The following C1QTNF3 variants were observed in gnomAD, a reference collection of about 807,000 sequenced individuals.
C1QTNF3 encodes C1q and TNF related 3, also known as complement C1q tumor necrosis factor-related protein 3.
Under a neutral mutation model 32.6 loss-of-function variants are expected in C1QTNF3, and 26 were observed. The ratio of observed to expected loss-of-function variants is 0.80; its 90% CI spans 0.58 to 1.11. C1QTNF3 has a LOEUF of 1.11. Ranked by LOEUF, C1QTNF3 falls within the 50% of genes least tolerant of loss-of-function variation. The pLI, the probability that C1QTNF3 is intolerant of heterozygous loss-of-function variation, is 0.00. For synonymous variants in C1QTNF3, 155 were observed against 146.0 expected (o/e 1.06, Z -0.44); for missense variants, 362 against 398.2 (o/e 0.91, Z 0.77).
the C1QTNF3 span, among the ~76,000 whole-genome samples, chr5:34,100,642 T>C: frequency 2.8e-4 from 42 of 149,102 alleles, no homozygotes; most frequent in Admixed American, 1.4e-3. Context: ...ATTATGTTAC[T>C]ATTAGCTCTA....
the C1QTNF3 span, among the ~76,000 whole-genome samples, chr5:34,098,752 G>A: frequency 2.0e-5 from 3 of 152,074 alleles, no homozygotes; most frequent in South Asian, 6.2e-4. Context: ...AATCTGAGGA[G>A]TATGTGTTTC....
At chr5:34,035,624 C>CA (rs1754716990) in intron 2 of C1QTNF3, 23 bp downstream of exon 2, 1 of 1,513,504 alleles carries the variant, frequency 6.6e-7, no homozygotes, top group African/African-American at 1.4e-5. Flanking sequence ...ATTAGATTGA[C>CA]AGTATGTCTT....
At chr5:34,122,775 C>A in the C1QTNF3 span, among the ~76,000 whole-genome samples, 1 of 150,296 alleles carries the variant, frequency 6.7e-6, no homozygotes, top group Non-Finnish European at 1.5e-5. Flanking sequence ...TGCTATTCAT[C>A]AAAAATAATG....
chr5:34,096,730 C>G, the C1QTNF3 span, among the ~76,000 whole-genome samples: 1 of 151,404 alleles, frequency 6.6e-6, no homozygotes, highest in Admixed American at 6.6e-5. Context: ...GCAAGTTAGA[C>G]GTGATTATCA....
chr5:34,098,998 G>T, the C1QTNF3 span, among the ~76,000 whole-genome samples: 131 of 149,850 alleles, frequency 8.7e-4, no homozygotes, highest in African/African-American at 3.2e-3. Context: ...ATGTTAACTG[G>T]AACTGTGTTA....
chr5:34,229,070 A>T, the C1QTNF3 span, among the ~76,000 whole-genome samples: 7 of 152,106 alleles, frequency 4.6e-5, no homozygotes, highest in African/African-American at 1.7e-4. Flanking sequence ...GATAAATAGA[A>T]ATCTTAAATC....
chr5:34,134,967 G>C, the C1QTNF3 span, among the ~76,000 whole-genome samples: 1 of 152,160 alleles, frequency 6.6e-6, no homozygotes, highest in African/African-American at 2.4e-5. Context: ...TGTTAAATAG[G>C]AGTGGTGAGA....
the C1QTNF3 span, chr5:34,175,872 T>C: frequency 1.3e-6 from 1 of 798,476 alleles, no homozygotes; most frequent in Non-Finnish European, 2.3e-6. Flanking sequence ...TCCAACCACG[T>C]ATTTTCTGCG....
At chr5:34,095,065 T>A in the C1QTNF3 span, among the ~76,000 whole-genome samples, 1 of 152,074 alleles carries the variant, frequency 6.6e-6, no homozygotes, top group Non-Finnish European at 1.5e-5. Flanking sequence ...AGAGTGTTCA[T>A]AAATTTAATG....
the C1QTNF3 span, among the ~76,000 whole-genome samples, chr5:34,214,548 C>G: frequency 5.9e-3 from 894 of 151,586 alleles, 10 homozygotes; most frequent in African/African-American, 0.021. Flanking sequence ...TTTCATGATA[C>G]TATTTAAGTG....
chr5:34,115,395 T>G, the C1QTNF3 span, among the ~76,000 whole-genome samples: 1 of 152,182 alleles, frequency 6.6e-6, no homozygotes, highest in South Asian at 2.1e-4. Flanking sequence ...AAAACTGTGC[T>G]GCCTGAGGTG....
the C1QTNF3 span, among the ~76,000 whole-genome samples, chr5:34,063,845 A>T: frequency 2.0e-5 from 3 of 152,160 alleles, no homozygotes; most frequent in African/African-American, 7.2e-5. Flanking sequence ...GTTCAGAGGT[A>T]AGGAGAATTT....
chr5:34,031,246 T>C (rs1042633655), intron 3 of C1QTNF3, among the ~76,000 whole-genome samples: 3 of 152,226 alleles, frequency 2.0e-5, no homozygotes, highest in Non-Finnish European at 4.4e-5. Flanking sequence ...CTTCAAAGAA[T>C]GTGAAGTTCC....
At chr5:34,108,403 G>A in the C1QTNF3 span, among the ~76,000 whole-genome samples, 1 of 152,086 alleles carries the variant, frequency 6.6e-6, no homozygotes, top group African/African-American at 2.4e-5. Flanking sequence ...CTCTCCCCGT[G>A]CTGAAAATCC....
chr5:34,132,874 G>A, the C1QTNF3 span, among the ~76,000 whole-genome samples: 1 of 152,094 alleles, frequency 6.6e-6, no homozygotes, highest in Non-Finnish European at 1.5e-5. Context: ...TCTTCCACAA[G>A]GGGCTGAGAA....
chr5:34,207,636 T>A, the C1QTNF3 span, among the ~76,000 whole-genome samples: 1 of 152,106 alleles, frequency 6.6e-6, no homozygotes, highest in Non-Finnish European at 1.5e-5. Flanking sequence ...TAGCTTTATA[T>A]GTTGTGTTTG....
chr5:34,030,037 T>G (rs1237417016), intron 3 of C1QTNF3, among the ~76,000 whole-genome samples: 3 of 152,172 alleles, frequency 2.0e-5, no homozygotes, highest in Admixed American at 2.0e-4. Context: ...GTAAATAACC[T>G]TGAAAAGGTA....
the C1QTNF3 span, among the ~76,000 whole-genome samples, chr5:34,215,986 T>A: frequency 6.6e-6 from 1 of 152,180 alleles, no homozygotes; most frequent in Admixed American, 6.6e-5. Context: ...AAGTTTAGGA[T>A]CCCAACCAGC....
At chr5:34,243,515 G>A in the C1QTNF3 span, among the ~76,000 whole-genome samples, 7 of 152,164 alleles carry the variant, frequency 4.6e-5, no homozygotes, top group African/African-American at 7.2e-5. Flanking sequence ...ATATGCACTC[G>A]TATGTTCATC....
Sources: allele counts gnomAD v4.1 joint callset (sites outside exome capture counted in the v4.1 genomes callset), GRCh38; gene constraint gnomAD v4.1.1; transcripts MANE v1.5; gene names NCBI Gene and HGNC (gene_info 2026-07-23, HGNC 2026-07-21).